Variants in TTC23 observed in about 807,000 individuals in gnomAD.
The protein encoded by TTC23 is tetratricopeptide repeat domain 23.
In TTC23, 58 loss-of-function variants were observed where a neutral mutation model predicts 55.1. The ratio of observed to expected loss-of-function variants is 1.05; its 90% CI spans 0.85 to 1.31. The LOEUF (loss-of-function observed/expected upper bound fraction) is 1.31, where lower values mean the gene tolerates loss of function less well. Ranked by LOEUF, TTC23 falls within the 50% of genes most tolerant of loss-of-function variation. The probability of loss-of-function intolerance (pLI) is 0.00; values close to 1 mark genes in which losing one functional copy is unlikely to be tolerated. For synonymous variants in TTC23, 203 were observed against 199.9 expected (o/e 1.02, Z -0.13); for missense variants, 516 against 534.4 (o/e 0.97, Z 0.34).
chr15:99,156,670 C>A lies in TTC23; in HGVS notation c.994-373G>T, dbSNP rs531332227. Among the ~76,000 whole-genome samples the A allele has an allele frequency of 1.6e-4, 25 of 152,286 alleles. No individual in the cohort carries two copies. The South Asian group carries it at 3.3e-3, about 20-fold the overall frequency. ...ATCGCAAGAACGGCATGGGGGTAAC[C>A]GCACCCATGGTTCAATCACCTCCCA... On this transcript the variant is annotated intron_variant, in intron 11 of 13. Coordinates refer to ENST00000394132, the MANE Select transcript of TTC23 (RefSeq NM_001288615.3).
chr15:99,223,153 A>G (rs1236910609), intron 5 of TTC23, among the ~76,000 whole-genome samples: 1 of 152,186 alleles, frequency 6.6e-6, no homozygotes, highest in Non-Finnish European at 1.5e-5. Context: ...TTTTCAGGCC[A>G]CAGTCTAAAG....
At chr15:99,217,259 C>A (rs1207492159) in intron 8 of TTC23, among the ~76,000 whole-genome samples, 4 of 151,600 alleles carry the variant, frequency 2.6e-5, no homozygotes, top group Admixed American at 1.3e-4. Context: ...TGGGTTCAAG[C>A]GATTTCTCCT....
At chr15:99,184,163 G>A (rs895596420) in intron 9 of TTC23, among the ~76,000 whole-genome samples, 5 of 152,188 alleles carry the variant, frequency 3.3e-5, no homozygotes, top group Non-Finnish European at 5.9e-5. Context: ...CTGCAGGGAC[G>A]AAGCATTCAC....
At chr15:99,153,938 G>A (rs1489266635) in intron 12 of TTC23, among the ~76,000 whole-genome samples, 3 of 152,152 alleles carry the variant, frequency 2.0e-5, no homozygotes, top group Non-Finnish European at 2.9e-5. Flanking sequence ...TAAAATTCAC[G>A]AGACCACTTT....
chr15:99,150,371 C>A (rs1180789313), intron 12 of TTC23, among the ~76,000 whole-genome samples: 1 of 152,192 alleles, frequency 6.6e-6, no homozygotes, highest in Non-Finnish European at 1.5e-5. Flanking sequence ...TATTAGCATT[C>A]CCTCCAAGCT....
At chr15:99,237,395 A>G (rs974677013) in intron 3 of TTC23, among the ~76,000 whole-genome samples, 1 of 152,252 alleles carries the variant, frequency 6.6e-6, no homozygotes, top group Non-Finnish European at 1.5e-5. Context: ...AAAAAACCCC[A>G]AATGTCTATA....
At chr15:99,138,278 A>G (rs1273020083) in intron 13 of TTC23, 151 bp from the exon 14 acceptor site, 2 of 903,112 alleles carry the variant, frequency 2.2e-6, no homozygotes, top group Non-Finnish European at 3.2e-6. Context: ...AGCACAGAGC[A>G]TAAAACATGA....
chr15:99,211,412 T>C (rs2077031640), intron 8 of TTC23, among the ~76,000 whole-genome samples: 1 of 151,778 alleles, frequency 6.6e-6, no homozygotes, highest in Admixed American at 6.6e-5. Flanking sequence ...AGTAAGTATA[T>C]ACAATTGTCT....
At position 99,218,660 on chromosome 15, in the gene TTC23, A is replaced by C. The variant is rs778371332; in HGVS notation, c.509T>G (p.Leu170Arg). 7.4e-6 allele frequency: 12 copies of C among 1,614,080 alleles called. No individual in the cohort carries two copies. The highest frequency in any genetic ancestry group is 9.3e-6 in the Non-Finnish European group (11 of 1,180,040). Residue 170 changes from leucine to arginine, a missense_variant, in exon 8 of 14, where the codon CTG becomes CGG. Leu to Arg is a moderately radical substitution (Grantham distance 102). Coordinates refer to ENST00000394132, the MANE Select transcript of TTC23 (RefSeq NM_001288615.3). ...CTTTATAATTCTTCCACATTGTAGC[A>C]GCTCCTTTGAAAGTCTCTCTGCTTT... ...LTKAERLSKE[L>R]LQCGRIIKEE...
intron 8 of TTC23, among the ~76,000 whole-genome samples, chr15:99,211,196 G>GA (rs1386121440): frequency 1.3e-5 from 2 of 152,036 alleles, no homozygotes; most frequent in African/African-American, 4.8e-5. Context: ...TCAACATGGT[G>GA]AAACACTGTC....
At chr15:99,152,637 CT>C (rs1417306337) in intron 12 of TTC23, among the ~76,000 whole-genome samples, 8 of 152,112 alleles carry the variant, frequency 5.3e-5, no homozygotes, top group Non-Finnish European at 1.2e-4. Flanking sequence ...CTCCAAAGTG[CT>C]GGGATTACAG....
chr15:99,137,927 C>A lies in TTC23; in HGVS notation c.*83G>T. ...AAATCTGTATCCTGACTGTTGAATTCCATTTTCTAGGCGGAGGTGATTTGT... is the reference window on the plus strand; with the variant it reads ...AAATCTGTATCCTGACTGTTGAATTACATTTTCTAGGCGGAGGTGATTTGT... On this transcript the variant is annotated 3_prime_UTR_variant, in exon 14 of 14. Transcript: ENST00000394132. 2 of 1,575,226 alleles carry A rather than the reference C, an allele frequency of 1.3e-6. No individual in the cohort carries two copies. The highest frequency in any genetic ancestry group is 1.7e-6 in the Non-Finnish European group (2 of 1,154,344).
chr15:99,177,480 A>G (rs2073697379), intron 9 of TTC23, among the ~76,000 whole-genome samples: 1 of 152,196 alleles, frequency 6.6e-6, no homozygotes, highest in African/African-American at 2.4e-5. Context: ...ACAGGGATAG[A>G]GTCAAATTAT....
intron 3 of TTC23, among the ~76,000 whole-genome samples, chr15:99,239,757 T>A (rs2079613835): frequency 6.6e-6 from 1 of 152,138 alleles, no homozygotes; most frequent in Non-Finnish European, 1.5e-5. Flanking sequence ...ATGGAGAATC[T>A]GAGATTCAAG....
chr15:99,139,655 G>A, intron 12 of TTC23: 1 of 1,450,700 alleles, frequency 6.9e-7, no homozygotes, highest in Non-Finnish European at 9.2e-7. Flanking sequence ...AGATTTAAAA[G>A]TAGTATTTTT....
intron 10 of TTC23, among the ~76,000 whole-genome samples, chr15:99,167,978 A>G (rs1214476798): frequency 6.6e-6 from 1 of 152,234 alleles, no homozygotes; most frequent in Non-Finnish European, 1.5e-5. Context: ...GAAGCTACTT[A>G]GACCCTGCTG....
intron 12 of TTC23, among the ~76,000 whole-genome samples, chr15:99,147,190 G>A (rs2068995611): frequency 6.8e-6 from 1 of 147,540 alleles, no homozygotes; most frequent in South Asian, 2.1e-4. Context: ...GGGATTATAG[G>A]TGTGAGCCAC....
intron 2 of TTC23, among the ~76,000 whole-genome samples, chr15:99,242,001 G>A (rs945152004): frequency 6.6e-6 from 1 of 152,100 alleles, no homozygotes; most frequent in Non-Finnish European, 1.5e-5. Context: ...CGAGTGTGGT[G>A]GCGCTCGGCT....
chr15:99,184,973 A>T (rs1182148370), intron 9 of TTC23, among the ~76,000 whole-genome samples: 1 of 152,090 alleles, frequency 6.6e-6, no homozygotes, highest in African/African-American at 2.4e-5. Context: ...ATGAGATCTG[A>T]CAGTTTTATA....
Sources: allele counts gnomAD v4.1 joint callset (sites outside exome capture counted in the v4.1 genomes callset), GRCh38; gene constraint gnomAD v4.1.1; transcripts MANE v1.5; gene names NCBI Gene and HGNC (gene_info 2026-07-23, HGNC 2026-07-21).